Variants in PHF2 observed in about 807,000 individuals in gnomAD.
PHF2 encodes the protein PHD finger protein 2.
In PHF2, 27 loss-of-function variants were observed where a neutral mutation model predicts 120.5. The observed-to-expected ratio is 0.22, with a 90% confidence interval of 0.17 to 0.31. The LOEUF is 0.31. Among genes scored for constraint, PHF2 ranks in the 10% least tolerant of loss-of-function variants. The pLI, the probability that PHF2 is intolerant of heterozygous loss-of-function variation, is 1.00. For synonymous variants in PHF2, 568 were observed against 592.5 expected, an observed-to-expected ratio of 0.96 and a Z score of 0.60; for missense variants, 1,024 against 1,434.8, an observed-to-expected ratio of 0.71 and a Z score of 4.63.
At chr9:93,623,500 G>A (rs1156890089) in intron 1 of PHF2, among the ~76,000 whole-genome samples, 1 of 152,156 alleles carries the variant, frequency 6.6e-6, no homozygotes, top group Non-Finnish European at 1.5e-5. Context: ...CTGGCTTTGG[G>A]CCTTTGCTTC....
At chr9:93,667,590 C>G (rs1008845947) in intron 17 of PHF2, among the ~76,000 whole-genome samples, 1 of 152,128 alleles carries the variant, frequency 6.6e-6, no homozygotes, top group Non-Finnish European at 1.5e-5. Context: ...TAGCCCCCTC[C>G]ATGGTGCCCC....
chr9:93,659,937 C>T (rs952444846), intron 11 of PHF2, among the ~76,000 whole-genome samples: 8 of 152,140 alleles, frequency 5.3e-5, no homozygotes, highest in Admixed American at 1.3e-4. Context: ...AGCCCTCAGC[C>T]GCTGTGCTGG....
At chr9:93,581,966 C>T (rs1446256371) in intron 1 of PHF2, among the ~76,000 whole-genome samples, 1 of 152,136 alleles carries the variant, frequency 6.6e-6, no homozygotes, top group Non-Finnish European at 1.5e-5. Flanking sequence ...AAACAAAGTC[C>T]ATCTCTTGGT....
chr9:93,679,399 C>T lies in PHF2; in HGVS notation c.*1723C>T, dbSNP rs1402565674. 1 of 336,266 alleles carries T rather than the reference C, an allele frequency of 3.0e-6. No individual in the cohort carries two copies. The highest frequency in any genetic ancestry group is 2.3e-5 in the African/African-American group (1 of 44,194). The allele number at this position is 336,266 out of a possible 1,614,324, so 20.8% of individuals were successfully genotyped here. Reference sequence around the variant, plus strand: ...AATCTAACCTGGACATCAAGCTGTTCTCTCTCTCTCTTTTTTTTAATTTTA... The same window carrying T: ...AATCTAACCTGGACATCAAGCTGTTTTCTCTCTCTCTTTTTTTTAATTTTA... On this transcript the variant is annotated 3_prime_UTR_variant, in exon 22 of 22. Coordinates refer to ENST00000359246, the MANE Select transcript of PHF2 (RefSeq NM_005392.4).
chr9:93,607,259 G>T (rs560810255), intron 1 of PHF2, among the ~76,000 whole-genome samples: 1 of 151,836 alleles, frequency 6.6e-6, no homozygotes, highest in Admixed American at 6.6e-5. Context: ...TGGGGTTTTT[G>T]TTGTTGTTGT....
intron 3 of PHF2, among the ~76,000 whole-genome samples, chr9:93,644,909 G>T (rs1157969537): frequency 1.3e-5 from 2 of 152,194 alleles, no homozygotes; most frequent in Admixed American, 1.3e-4. Flanking sequence ...CTGGCCCTGT[G>T]GTGGTGGCCA....
chr9:93,582,755 C>T (rs187402228), intron 1 of PHF2, among the ~76,000 whole-genome samples: 28 of 152,246 alleles, frequency 1.8e-4, no homozygotes, highest in African/African-American at 6.7e-4. Flanking sequence ...GGTATCTGTC[C>T]CTGTCTATCA....
At chr9:93,673,982 A>C in intron 18 of PHF2, 120 bp downstream of exon 18, 1 of 1,145,856 alleles carries the variant, frequency 8.7e-7, no homozygotes, top group Non-Finnish European at 1.2e-6. Context: ...AGCTCAGCAA[A>C]ACCCTCGGCC....
intron 5 of PHF2, among the ~76,000 whole-genome samples, chr9:93,650,503 C>T (rs1178955788): frequency 6.6e-6 from 1 of 152,232 alleles, no homozygotes; most frequent in East Asian, 1.9e-4. Context: ...CCAGGCAAGG[C>T]AGGCCCCACA....
intron 17 of PHF2, chr9:93,671,039 G>A (rs545234695): frequency 6.9e-5 from 68 of 981,832 alleles, no homozygotes; most frequent in Non-Finnish European, 8.1e-5. Flanking sequence ...GTGCAGGTGT[G>A]GGGGTAGGTG....
intron 1 of PHF2, among the ~76,000 whole-genome samples, chr9:93,589,772 C>G (rs1190131554): frequency 6.6e-6 from 1 of 152,196 alleles, no homozygotes. Flanking sequence ...TCTCCCCTGT[C>G]TCCCCGTTCT....
At position 93,673,573 on chromosome 9, in the gene PHF2, C is replaced by T. The variant is rs1435976717; in HGVS notation, c.2349-12C>T. 1 of 1,546,614 alleles carries T rather than the reference C, an allele frequency of 6.5e-7. No individual in the cohort carries two copies. The highest frequency in any genetic ancestry group is 2.3e-5 in the East Asian group (1 of 44,032). ...AGCACTGGGCTGAGTGCCTGTCTCT[C>T]TGTGCCCCTAGCCAGCCCCCGGCCT... On this transcript the variant is annotated splice_polypyrimidine_tract_variant and intron_variant, in intron 17 of 21. Transcript: ENST00000359246.
intron 7 of PHF2, 50 bp from the exon 8 acceptor site, chr9:93,655,884 C>A: frequency 7.2e-7 from 1 of 1,391,188 alleles, no homozygotes; most frequent in Non-Finnish European, 1.0e-6. Flanking sequence ...CATGAGAAGC[C>A]CGTTCATGGG....
chr9:93,636,583 CGTCCCTT>C (rs1826097841), intron 3 of PHF2, 58 bp downstream of exon 3: 1 of 1,202,722 alleles, frequency 8.3e-7, no homozygotes, highest in Non-Finnish European at 1.2e-6. Context: ...ACACTCTCTC[CGTCCCTT>C]GTCCCGCTAT....
rs540193875 is a variant in PHF2, at chr9:93,594,366, A to G, written c.98+17495A>G. Reference sequence around the variant, plus strand: ...AGTCAGCCCCTCCCCTGCTTTGGGAACATTCCAGGTCGGGGCGGCTCCTGT... The same window carrying G: ...AGTCAGCCCCTCCCCTGCTTTGGGAGCATTCCAGGTCGGGGCGGCTCCTGT... On this transcript the variant is annotated intron_variant, in intron 1 of 21. Coordinates refer to ENST00000359246, the MANE Select transcript of PHF2 (RefSeq NM_005392.4). 2.3e-3 allele frequency among the ~76,000 whole-genome samples: 346 copies of G among 152,310 alleles called. 2 individuals are homozygous for G. The highest frequency in any genetic ancestry group is 8.1e-3 in the African/African-American group (335 of 41,568).
Position 93,676,579 on chromosome 9 carries a change from A to G in PHF2, c.2833-15A>G, listed in dbSNP as rs777094528. ...GGCTGTGCGTCTGAGGCTGCCCTGCATGTTTTGTTCAAAGGAGGAGCAGAA... is the reference window on the plus strand; with the variant it reads ...GGCTGTGCGTCTGAGGCTGCCCTGCGTGTTTTGTTCAAAGGAGGAGCAGAA... On this transcript the variant is annotated splice_polypyrimidine_tract_variant and intron_variant, in intron 20 of 21. Transcript: ENST00000359246. 6 of 1,577,954 alleles carry G rather than the reference A, an allele frequency of 3.8e-6. No individual in the cohort carries two copies. The highest frequency in any genetic ancestry group is 5.2e-6 in the Non-Finnish European group (6 of 1,157,088).
chr9:93,607,705 T>G (rs1825565973), intron 1 of PHF2, among the ~76,000 whole-genome samples: 1 of 152,208 alleles, frequency 6.6e-6, no homozygotes, highest in Non-Finnish European at 1.5e-5. Flanking sequence ...AATTCTTTGA[T>G]CTACATATTT....
intron 1 of PHF2, among the ~76,000 whole-genome samples, chr9:93,604,083 A>G (rs1564377759): frequency 6.6e-6 from 1 of 152,188 alleles, no homozygotes; most frequent in Non-Finnish European, 1.5e-5. Flanking sequence ...TAACTCTGGA[A>G]ACAGATGGGG....
Position 93,656,431 on chromosome 9 carries a change from C to G in PHF2, c.1041-58C>G, listed in dbSNP as rs1272702916. 1.7e-6 allele frequency: 2 copies of G among 1,209,844 alleles called. No individual in the cohort carries two copies. The highest frequency in any genetic ancestry group is 2.4e-6 in the Non-Finnish European group (2 of 818,056). The allele number at this position is 1,209,844 out of a possible 1,614,324, so 74.9% of individuals were successfully genotyped here. On this transcript the variant is annotated intron_variant, in intron 8 of 21. Coordinates refer to ENST00000359246, the MANE Select transcript of PHF2 (RefSeq NM_005392.4). This position sits in a 1 kb window ranked among gnomAD's most constrained non-coding sequence, Gnocchi z 4.1. Reference sequence around the variant, plus strand: ...GGTGTGTCTGGGGCCTGGATTGATGCCCAGCGTCGCCTGCTTGATGGTCAG... The same window carrying G: ...GGTGTGTCTGGGGCCTGGATTGATGGCCAGCGTCGCCTGCTTGATGGTCAG...
Sources: gnomAD v4.1 joint callset for allele counts (sites outside exome capture counted in the v4.1 genomes callset) on GRCh38, gnomAD v4.1.1 for gene constraint, Gnocchi (gnomAD v3.1) non-coding constraint, MANE v1.5 for transcripts, NCBI Gene and HGNC (gene_info 2026-07-23, HGNC 2026-07-21) for gene names.